ASAP1: variants seen among roughly 807,000 people sequenced by gnomAD.
ASAP1 encodes the protein ArfGAP with SH3 domain, ankyrin repeat and PH domain 1, also known as arf-GAP with SH3 domain, ANK repeat and PH domain-containing protein 1.
ASAP1 carries 43 observed loss-of-function variants against 145.2 expected under a neutral mutation model. That is an observed-to-expected ratio of 0.30 (90% CI 0.23 to 0.38). ASAP1 has a LOEUF of 0.38. Among genes scored for constraint, ASAP1 ranks in the 10% least tolerant of loss-of-function variants. The pLI, the probability that ASAP1 is intolerant of heterozygous loss-of-function variation, is 1.00. For missense variants in ASAP1, 1,018 were observed against 1,355.3 expected (o/e 0.75, Z 3.91); for synonymous variants, 546 against 515.5 (o/e 1.06, Z -0.80).
intron 3 of ASAP1, among the ~76,000 whole-genome samples, chr8:130,246,033 T>C (rs892987573): frequency 6.6e-6 from 1 of 152,110 alleles, no homozygotes; most frequent in Non-Finnish European, 1.5e-5. Flanking sequence ...CATTTTATAA[T>C]CATTTATGAG....
At chr8:130,098,021 C>T (rs2097522196) in intron 24 of ASAP1, among the ~76,000 whole-genome samples, 1 of 152,168 alleles carries the variant, frequency 6.6e-6, no homozygotes, top group South Asian at 2.1e-4. Flanking sequence ...CCTCTTCTTG[C>T]ATTTTCTGGA....
chr8:130,159,773 T>G (rs1043224975), intron 12 of ASAP1, 91 bp downstream of exon 12: 1 of 1,018,440 alleles, frequency 9.8e-7, no homozygotes, highest in Non-Finnish European at 1.5e-6. Context: ...TAGTGTATTA[T>G]AAAATTTTAA....
At chr8:130,087,290 T>C (rs2097495610) in intron 25 of ASAP1, among the ~76,000 whole-genome samples, 3 of 152,050 alleles carry the variant, frequency 2.0e-5, no homozygotes, top group Admixed American at 2.0e-4. Flanking sequence ...GAGGCCGAGA[T>C]GGGTGGATCA....
chr8:130,216,264 G>A (rs773828241), intron 4 of ASAP1, among the ~76,000 whole-genome samples: 1 of 152,166 alleles, frequency 6.6e-6, no homozygotes, highest in African/African-American at 2.4e-5. Context: ...GCTTTTCACA[G>A]TCCAGCTCTT....
intron 13 of ASAP1, among the ~76,000 whole-genome samples, chr8:130,142,061 T>C (rs1372007488): frequency 6.6e-6 from 1 of 152,210 alleles, no homozygotes; most frequent in East Asian, 1.9e-4. Context: ...TCCAGGCATC[T>C]TATGTCATAT....
chr8:130,325,476 T>G (rs1824267168), intron 3 of ASAP1, among the ~76,000 whole-genome samples: 1 of 152,224 alleles, frequency 6.6e-6, no homozygotes, highest in African/African-American at 2.4e-5. Context: ...TTGTTCACTC[T>G]ATAAGCAAAG....
At chr8:130,206,426 T>C (rs1276065008) in intron 5 of ASAP1, among the ~76,000 whole-genome samples, 1 of 151,894 alleles carries the variant, frequency 6.6e-6, no homozygotes, top group Non-Finnish European at 1.5e-5. Context: ...CAGATATTCT[T>C]ATTTGAGGGG....
chr8:130,166,270 A>G (rs1057155523), intron 11 of ASAP1, among the ~76,000 whole-genome samples: 3 of 152,182 alleles, frequency 2.0e-5, no homozygotes, highest in Non-Finnish European at 4.4e-5. Flanking sequence ...TGGCCTCCCA[A>G]AATGTTTGGA....
chr8:130,186,987 A>T (rs543753531), intron 7 of ASAP1, among the ~76,000 whole-genome samples: 2 of 152,338 alleles, frequency 1.3e-5, no homozygotes, highest in African/African-American at 4.8e-5. Context: ...CATAAATGCG[A>T]GAACAACTGA....
At chr8:130,055,197 C>T (rs1289258618) in intron 29 of ASAP1, among the ~76,000 whole-genome samples, 1 of 151,820 alleles carries the variant, frequency 6.6e-6, no homozygotes, top group African/African-American at 2.4e-5. Context: ...GCTGCCTTTA[C>T]AGCTGGGTGA....
chr8:130,265,437 G>C (rs1024281909), intron 3 of ASAP1, among the ~76,000 whole-genome samples: 1 of 151,944 alleles, frequency 6.6e-6, no homozygotes, highest in Non-Finnish European at 1.5e-5. Flanking sequence ...ACAGGGTGTG[G>C]TGGTACACAC....
chr8:130,364,702 T>G (rs1346353980), intron 2 of ASAP1, among the ~76,000 whole-genome samples: 1 of 152,226 alleles, frequency 6.6e-6, no homozygotes, highest in Non-Finnish European at 1.5e-5. Context: ...GGGATTAATC[T>G]TCATGTGGGT....
rs537551031 is a variant in ASAP1 at position 130,385,217 on chromosome 8, G to A, written c.59+16668C>T. On this transcript the variant is annotated intron_variant, in intron 2 of 29. Transcript: ENST00000518721. The stretch of plus-strand genomic sequence containing the variant: ...GTGGTGGCTCACGCCTGTAATCCCA[G>A]CAGTTTGGGAGGCTGAGGTGGGCGG... 4.6e-5 allele frequency among the ~76,000 whole-genome samples: 7 copies of A among 152,346 alleles called. No individual in the cohort carries two copies. The East Asian group carries it at 7.7e-4, about 17-fold the overall frequency.
At chr8:130,174,651 AC>A (rs1334822832) in intron 9 of ASAP1, among the ~76,000 whole-genome samples, 1 of 152,238 alleles carries the variant, frequency 6.6e-6, no homozygotes, top group African/African-American at 2.4e-5. Flanking sequence ...CCAATAACCA[AC>A]AGCCAATGAT....
intron 2 of ASAP1, among the ~76,000 whole-genome samples, chr8:130,360,510 G>A (rs1380529803): frequency 6.6e-6 from 1 of 152,204 alleles, no homozygotes; most frequent in Non-Finnish European, 1.5e-5. Context: ...CCAGCGAGAT[G>A]CTCATCAATG....
At chr8:130,366,850 A>G (rs116430668) in intron 2 of ASAP1, among the ~76,000 whole-genome samples, 3,202 of 150,304 alleles carry the variant, frequency 0.021, 52 homozygotes, top group East Asian at 0.056. Context: ...TACTAATACC[A>G]CTATTTGCAT....
intron 1 of ASAP1, among the ~76,000 whole-genome samples, chr8:130,430,979 A>T (rs1340570896): frequency 6.6e-6 from 1 of 152,168 alleles, no homozygotes; most frequent in African/African-American, 2.4e-5. Flanking sequence ...TCCCTCAGAT[A>T]GTTTCCCACT....
chr8:130,272,375 ACT>A (rs903071222), intron 3 of ASAP1, among the ~76,000 whole-genome samples: 2 of 152,136 alleles, frequency 1.3e-5, no homozygotes, highest in African/African-American at 4.8e-5. Flanking sequence ...AAAAAAGGTA[ACT>A]CTACACATCG....
intron 1 of ASAP1, among the ~76,000 whole-genome samples, chr8:130,424,847 G>A (rs1217805101): frequency 6.6e-6 from 1 of 152,004 alleles, no homozygotes; most frequent in Non-Finnish European, 1.5e-5. Flanking sequence ...CAAAAAATTA[G>A]CCGGGCATGG....
Sources: gnomAD v4.1 joint callset for allele counts (sites outside exome capture counted in the v4.1 genomes callset) on GRCh38, gnomAD v4.1.1 for gene constraint, MANE v1.5 for transcripts, NCBI Gene and HGNC (gene_info 2026-07-23, HGNC 2026-07-21) for gene names.